The following ZNF512 variants were observed in gnomAD, a reference collection of about 807,000 sequenced individuals.
ZNF512 encodes the protein zinc finger protein 512.
In ZNF512, 25 loss-of-function variants were observed where a neutral mutation model predicts 77.5. That is an observed-to-expected ratio of 0.32 (90% CI 0.23 to 0.45). The LOEUF is 0.45. Ranked by LOEUF, ZNF512 falls within the 20% of genes least tolerant of loss-of-function variation. The pLI is 1.00. For missense variants in ZNF512, 483 were observed against 692.6 expected (o/e 0.70, Z 3.40); for synonymous variants, 246 against 239.9 (o/e 1.03, Z -0.24).
chr2:27,600,161 G>T, intron 5 of ZNF512, 108 bp downstream of exon 5: 1 of 1,238,878 alleles, frequency 8.1e-7, no homozygotes, highest in Non-Finnish European at 1.2e-6. Context: ...TAAGGAGGCA[G>T]TTACTAAGGG....
At chr2:27,617,651 G>C in intron 13 of ZNF512, 80 bp downstream of exon 13, 8 of 724,736 alleles carry the variant, frequency 1.1e-5, no homozygotes, top group Non-Finnish European at 2.0e-5. Context: ...ATGGACTAAG[G>C]CTGTCAAGGA....
chr2:27,596,434 G>T (rs1224280768), intron 2 of ZNF512, among the ~76,000 whole-genome samples: 1 of 151,988 alleles, frequency 6.6e-6, no homozygotes, highest in Non-Finnish European at 1.5e-5. Flanking sequence ...CCCACCCCCA[G>T]TCCCCCAACT....
intron 10 of ZNF512, among the ~76,000 whole-genome samples, chr2:27,610,264 T>C (rs1672554245): frequency 6.8e-6 from 1 of 148,122 alleles, no homozygotes; most frequent in Non-Finnish European, 1.5e-5. Context: ...CTTGGGAGGC[T>C]GAGGCAGGAG....
chr2:27,598,495 G>C (rs542021697), intron 3 of ZNF512, among the ~76,000 whole-genome samples: 1 of 152,220 alleles, frequency 6.6e-6, no homozygotes, highest in East Asian at 1.9e-4. Flanking sequence ...GGGGCCTGGT[G>C]GTGGGCGCCT....
At chr2:27,606,787 T>G (rs1672382834) in intron 9 of ZNF512, among the ~76,000 whole-genome samples, 1 of 152,234 alleles carries the variant, frequency 6.6e-6, no homozygotes, top group Non-Finnish European at 1.5e-5. Flanking sequence ...ATCTGGTTCC[T>G]CTGCTTAGAG....
chr2:27,616,445 T>C, intron 12 of ZNF512, 121 bp downstream of exon 12: 1 of 748,914 alleles, frequency 1.3e-6, no homozygotes. Context: ...GAGGCTGCTT[T>C]AGATTTTTAT....
intron 9 of ZNF512, among the ~76,000 whole-genome samples, chr2:27,605,998 C>T (rs1038256517): frequency 2.0e-5 from 3 of 152,070 alleles, no homozygotes; most frequent in African/African-American, 7.2e-5. Context: ...TTTTTTGATC[C>T]ATTCTAATAG....
intron 2 of ZNF512, among the ~76,000 whole-genome samples, chr2:27,587,307 C>T (rs1256699624): frequency 2.0e-5 from 3 of 146,554 alleles, no homozygotes; most frequent in African/African-American, 7.5e-5. Context: ...GACAGTGTCT[C>T]CCTCTGTCAC....
At chr2:27,619,297 G>A (rs1324201486) in intron 13 of ZNF512, among the ~76,000 whole-genome samples, 1 of 152,098 alleles carries the variant, frequency 6.6e-6, no homozygotes, top group Admixed American at 6.6e-5. Flanking sequence ...CAGCTACTTG[G>A]GAGGCTGAGG....
At chr2:27,606,219 G>A (rs980903952) in intron 9 of ZNF512, among the ~76,000 whole-genome samples, 1 of 151,742 alleles carries the variant, frequency 6.6e-6, no homozygotes, top group Non-Finnish European at 1.5e-5. Flanking sequence ...TTATCATTCC[G>A]GATACAAGTT....
Position 27,621,592 on chromosome 2 carries a change from C to CT in ZNF512, c.*132dup. 1.0e-6 allele frequency: 1 copy of CT among 971,624 alleles called. No homozygotes were observed. The allele number at this position is 971,624 out of a possible 1,614,324, so 60.2% of individuals were successfully genotyped here. On this transcript the variant is annotated 3_prime_UTR_variant, in exon 14 of 14. Coordinates refer to ENST00000355467, the MANE Select transcript of ZNF512 (RefSeq NM_032434.4). ...CTGTGACTTTCTCAGCTCCTTCCTC[C>CT]TGTGTAAATTTCACTGTCTTCCCTT...
chr2:27,600,132 A>T (rs1367777113), intron 5 of ZNF512, 79 bp downstream of exon 5: 4 of 1,462,666 alleles, frequency 2.7e-6, no homozygotes, highest in Non-Finnish European at 3.8e-6. Context: ...TGAAGGAATG[A>T]GGTACTAAAG....
chr2:27,608,680 G>A (rs1034026650), intron 10 of ZNF512, among the ~76,000 whole-genome samples: 2 of 152,078 alleles, frequency 1.3e-5, no homozygotes, highest in Non-Finnish European at 2.9e-5. Flanking sequence ...TATGACTATC[G>A]GATAGTCTTG....
intron 2 of ZNF512, among the ~76,000 whole-genome samples, chr2:27,592,066 T>C (rs986705256): frequency 2.0e-5 from 3 of 152,142 alleles, no homozygotes; most frequent in African/African-American, 7.2e-5. Context: ...CTCTGCTCAC[T>C]GCAGCCTCAT....
At chr2:27,595,101 C>T (rs557756139) in intron 2 of ZNF512, among the ~76,000 whole-genome samples, 5 of 152,246 alleles carry the variant, frequency 3.3e-5, no homozygotes, top group African/African-American at 1.2e-4. Context: ...TATGGTCCAG[C>T]CTTGGCAACA....
chr2:27,607,209 AT>A (rs1672407115), intron 9 of ZNF512, among the ~76,000 whole-genome samples: 1 of 152,160 alleles, frequency 6.6e-6, no homozygotes, highest in Non-Finnish European at 1.5e-5. Context: ...CATACACAGG[AT>A]CACACGCATT....
At chr2:27,590,676 T>C (rs1261466156) in intron 2 of ZNF512, among the ~76,000 whole-genome samples, 2 of 152,164 alleles carry the variant, frequency 1.3e-5, no homozygotes, top group African/African-American at 4.8e-5. Flanking sequence ...CCTACTCTTG[T>C]TTTTTTAAGA....
Position 27,598,273 on chromosome 2 carries a change from T to C in ZNF512, c.277+19T>C, listed in dbSNP as rs566041519. 17 of 1,599,230 alleles carry C rather than the reference T, an allele frequency of 1.1e-5. No individual in the cohort carries two copies. The South Asian group carries it at 1.7e-4, about 16-fold the overall frequency. ...GTCGAAGGTATCAATATCAGTGTCT[T>C]ATTCTGAAGACGGGCCACTTCCTAA... is the stretch of plus-strand genomic sequence containing the variant. On this transcript the variant is annotated intron_variant, in intron 3 of 13. Transcript: ENST00000355467.
Position 27,598,129 on chromosome 2 carries a change from C to T in ZNF512, c.152C>T (p.Ser51Phe). 6.2e-7 allele frequency: 1 copy of T among 1,614,086 alleles called. No homozygotes were observed. The highest frequency in any genetic ancestry group is 8.5e-7 in the Non-Finnish European group (1 of 1,179,976). The change falls in exon 3 of 14, where the codon TCC (serine) becomes TTC (phenylalanine). Residue 51 changes from serine (S) to phenylalanine (F), a missense_variant. Physicochemically the swap from Ser to Phe is radical, Grantham distance 155. Transcript: ENST00000355467. Reference protein sequence around the residue: ...SFQYTIPHDDSLSGSSSASSC... With the variant: ...SFQYTIPHDDFLSGSSSASSC... Reference sequence around the variant, plus strand: ...CAGTACACTATCCCTCATGATGACTCCTTAAGTGGTTCATCGTCTGCATCT... The same window carrying T: ...CAGTACACTATCCCTCATGATGACTTCTTAAGTGGTTCATCGTCTGCATCT...
Sources: allele counts gnomAD v4.1 joint callset (sites outside exome capture counted in the v4.1 genomes callset), GRCh38; gene constraint gnomAD v4.1.1; transcripts MANE v1.5; gene names NCBI Gene and HGNC (gene_info 2026-07-23, HGNC 2026-07-21).